APC: variants seen among roughly 807,000 people sequenced by gnomAD.
APC encodes the protein APC regulator of Wnt signaling pathway.
A neutral mutation model predicts 247.0 loss-of-function variants in APC; 72 were observed. The observed-to-expected ratio is 0.29, with a 90% CI of 0.24 to 0.35. The LOEUF (loss-of-function observed/expected upper bound fraction) is 0.35. APC is among the 10% of genes least tolerant of loss of function. The pLI is 1.00. For synonymous variants in APC, 1,254 were observed against 1,162.5 expected (o/e 1.08, Z -1.60); for missense variants, 3,400 against 3,360.7 (o/e 1.01, Z -0.29).
At chr5:112,796,928 G>A (rs1029408712) in intron 7 of APC, among the ~76,000 whole-genome samples, 5 of 151,722 alleles carry the variant, frequency 3.3e-5, no homozygotes, top group Non-Finnish European at 7.4e-5. Context: ...CTAGTTGATT[G>A]AATCTTTTAT....
intron 6 of APC, among the ~76,000 whole-genome samples, chr5:112,784,101 T>C (rs968760263): frequency 6.6e-6 from 1 of 152,196 alleles, no homozygotes; most frequent in Non-Finnish European, 1.5e-5. Context: ...ACAGTCTTGC[T>C]CTGTCACACA....
chr5:112,823,920 C>T (rs1247676652), intron 11 of APC, among the ~76,000 whole-genome samples: 5 of 152,130 alleles, frequency 3.3e-5, no homozygotes, highest in Non-Finnish European at 7.3e-5. Flanking sequence ...TGATAAGTGG[C>T]CTGGCTGATT....
chr5:112,762,228 C>G (rs961268058), intron 2 of APC, among the ~76,000 whole-genome samples: 4 of 152,150 alleles, frequency 2.6e-5, no homozygotes, highest in Non-Finnish European at 5.9e-5. Flanking sequence ...ACTGATCACA[C>G]CAAATGTGGA....
At chr5:112,729,198 G>A (rs973936483) in intron 1 of APC, among the ~76,000 whole-genome samples, 6 of 152,188 alleles carry the variant, frequency 3.9e-5, no homozygotes, top group African/African-American at 1.4e-4. Flanking sequence ...TTATAGATGC[G>A]AGGGAAAGAG....
At chr5:112,760,125 A>T (rs988440718) in intron 2 of APC, among the ~76,000 whole-genome samples, 1 of 152,196 alleles carries the variant, frequency 6.6e-6, no homozygotes, top group Non-Finnish European at 1.5e-5. Flanking sequence ...TTCTGGGTAC[A>T]GATTGAGATT....
In APC at chr5:112,842,546, A is replaced by G. The variant is rs747056590; in HGVS notation, c.6952A>G (p.Ser2318Gly). The G allele has an allele frequency of 4.3e-6, 7 of 1,614,096 alleles. No individual in the cohort carries two copies. In the Admixed American group the frequency reaches 1.0e-4, roughly 23 times the overall value. The change falls in exon 16 of 16, where the codon AGT becomes GGT. Residue 2318 changes from serine to glycine, a missense_variant. Ser to Gly is a moderately conservative substitution (Grantham distance 56, BLOSUM62 0). Coordinates refer to ENST00000257430, the MANE Select transcript of APC (RefSeq NM_000038.6). ...TTCAAGACCTGCCCAGCAACCATTAAGTAGACCTATACAGTCTCCTGGCCG... is the reference window on the plus strand; with the variant it reads ...TTCAAGACCTGCCCAGCAACCATTAGGTAGACCTATACAGTCTCCTGGCCG... ...TPSRPAQQPL[S>G]RPIQSPGRNS...
intron 1 of APC, among the ~76,000 whole-genome samples, chr5:112,726,065 A>G (rs1488074803): frequency 1.3e-5 from 2 of 152,136 alleles, no homozygotes; most frequent in Non-Finnish European, 2.9e-5. Flanking sequence ...GAGCACACAG[A>G]CGGGCAGGTG....
intron 8 of APC, among the ~76,000 whole-genome samples, chr5:112,813,964 C>A (rs1027136082): frequency 6.6e-6 from 1 of 152,076 alleles, no homozygotes; most frequent in Admixed American, 6.6e-5. Flanking sequence ...AAAGACAATT[C>A]GAATGATGTC....
At chr5:112,823,664 G>A (rs146293466) in intron 11 of APC, among the ~76,000 whole-genome samples, 82 of 152,274 alleles carry the variant, frequency 5.4e-4, no homozygotes, top group African/African-American at 1.9e-3. Context: ...AGTATTAGAA[G>A]TTTTAGAATA....
chr5:112,821,754 C>A, intron 10 of APC, 142 bp from the exon 11 acceptor site: 1 of 670,778 alleles, frequency 1.5e-6, no homozygotes. Flanking sequence ...TTTATTCATC[C>A]TTTCAGCAAA....
chr5:112,766,451 C>T, intron 3 of APC, 41 bp downstream of exon 3: 1 of 1,392,728 alleles, frequency 7.2e-7, no homozygotes, highest in Non-Finnish European at 1.0e-6. Flanking sequence ...TTTTTAAGCT[C>T]AAATTGTCAT....
In APC at chr5:112,780,795, C is replaced by T. The variant is rs149736402; in HGVS notation, c.537C>T (p.Ser179=). 1 of 1,608,140 alleles carries T rather than the reference C, an allele frequency of 6.2e-7. No homozygotes were observed. Among genetic ancestry groups the T allele is most frequent in the Non-Finnish European group, 8.5e-7 (1 of 1,175,336 alleles). Residue 179 remains serine, a synonymous_variant, in exon 6 of 16, where the codon TCC becomes TCT. Transcript: ENST00000257430. ...IDSLPLTENF[S]LQTDMTRRQL... is the part of the protein sequence containing the mutation. ...TTTATTATTTGTGGTTTTAGTTTTC[C>T]TTACAAACAGATATGACCAGAAGGC...
intron 6 of APC, among the ~76,000 whole-genome samples, chr5:112,783,358 T>A (rs550635237): frequency 3.0e-4 from 46 of 152,292 alleles, no homozygotes; most frequent in African/African-American, 8.7e-4. Flanking sequence ...TACGTGTTCA[T>A]TTATTCTGGA....
intron 8 of APC, among the ~76,000 whole-genome samples, chr5:112,809,199 A>G (rs903054221): frequency 7.0e-6 from 1 of 143,552 alleles, no homozygotes; most frequent in African/African-American, 2.5e-5. Flanking sequence ...AAAAAATACA[A>G]AAAAAAAAAA....
chr5:112,752,377 T>G (rs1333348013), intron 1 of APC, among the ~76,000 whole-genome samples: 1 of 152,218 alleles, frequency 6.6e-6, no homozygotes, highest in Non-Finnish European at 1.5e-5. Context: ...TGCTTTAATT[T>G]CTTACATTAC....
chr5:112,813,752 T>TAAA (rs374758963), intron 8 of APC, among the ~76,000 whole-genome samples: 7 of 132,312 alleles, frequency 5.3e-5, no homozygotes, highest in African/African-American at 1.9e-4. Context: ...ACCTTGTCTC[T>TAAA]AAAAAAAAAA....
At chr5:112,769,050 C>CTTTTTTTTTTT (rs11379766) in intron 4 of APC, among the ~76,000 whole-genome samples, 1 of 96,810 alleles carries the variant, frequency 1.0e-5, no homozygotes, top group Non-Finnish European at 1.9e-5. Flanking sequence ...TTTTTTTCTT[C>CTTTTTTTTTTT]TTTTTTTTTT....
chr5:112,828,216 T>C (rs1763921965), intron 13 of APC, among the ~76,000 whole-genome samples: 1 of 152,008 alleles, frequency 6.6e-6, no homozygotes, highest in South Asian at 2.1e-4. Flanking sequence ...GTATTTTTTA[T>C]AGAGACGGGG....
At chr5:112,800,687 A>C (rs1410553521) in intron 7 of APC, among the ~76,000 whole-genome samples, 1 of 152,122 alleles carries the variant, frequency 6.6e-6, no homozygotes, top group Non-Finnish European at 1.5e-5. Flanking sequence ...TCTATCTTGA[A>C]ATGACTGCTT....
Sources: gnomAD v4.1 joint callset for allele counts (sites outside exome capture counted in the v4.1 genomes callset) on GRCh38, gnomAD v4.1.1 for gene constraint, MANE v1.5 for transcripts, NCBI Gene and HGNC (gene_info 2026-07-23, HGNC 2026-07-21) for gene names.